VPS13B: variants seen among roughly 807,000 people sequenced by gnomAD.
VPS13B encodes the protein intermembrane lipid transfer protein VPS13B.
A neutral mutation model predicts 426.4 loss-of-function variants in VPS13B; 285 were observed. That is an observed-to-expected ratio of 0.67 (90% CI 0.61 to 0.74). The LOEUF is 0.74. Ranked by LOEUF, VPS13B falls within the 30% of genes least tolerant of loss-of-function variation. The pLI, the probability that VPS13B is intolerant of heterozygous loss-of-function variation, is 0.00. For missense variants in VPS13B, 4,537 were observed against 4,782.6 expected (o/e 0.95, Z 1.51); for synonymous variants, 1,676 against 1,676.4 (o/e 1.00, Z 0.01).
chr8:99,188,929 T>C (rs1389594485), intron 16 of VPS13B, among the ~76,000 whole-genome samples: 1 of 152,220 alleles, frequency 6.6e-6, no homozygotes, highest in African/African-American at 2.4e-5. Context: ...TATCTTGTTC[T>C]TGTTGAATTA....
Position 99,501,727 on chromosome 8 carries a change from A to T in VPS13B, c.3911A>T (p.Asp1304Val). 1 of 1,614,114 alleles carries T rather than the reference A, an allele frequency of 6.2e-7. No homozygotes were observed. The highest frequency in any genetic ancestry group is 1.3e-5 in the African/African-American group (1 of 75,020). ...IQAGEESPFS[D>V]SVTLEQTTSN... ...GCAGGTGAGGAATCACCATTCTCAG[A>T]TTCTGTGACCTTGGAACAAACTACA... The change falls in exon 26 of 62, where the codon GAT becomes GTT. Residue 1304 changes from aspartate to valine, a missense_variant. Transcript: ENST00000357162.
chr8:99,039,118 T>C (rs752919420), intron 3 of VPS13B, among the ~76,000 whole-genome samples: 1 of 152,200 alleles, frequency 6.6e-6, no homozygotes, highest in East Asian at 1.9e-4. Context: ...TGCAGATTGC[T>C]TATTACTTAC....
chr8:99,087,606 T>C (rs1450491304), intron 3 of VPS13B, among the ~76,000 whole-genome samples: 1 of 150,356 alleles, frequency 6.7e-6, no homozygotes, highest in Non-Finnish European at 1.5e-5. Context: ...CTCCACCCAC[T>C]GTTTTTTTGT....
intron 19 of VPS13B, among the ~76,000 whole-genome samples, chr8:99,296,580 T>C (rs932276127): frequency 1.7e-4 from 26 of 152,206 alleles, no homozygotes; most frequent in African/African-American, 6.3e-4. Context: ...TGAATGCATA[T>C]TTATGCAAGG....
chr8:99,830,265 G>C (rs942809341), intron 51 of VPS13B, among the ~76,000 whole-genome samples: 1 of 152,214 alleles, frequency 6.6e-6, no homozygotes, highest in African/African-American at 2.4e-5. Flanking sequence ...CCCCTGACTA[G>C]GGCTGCTGCC....
chr8:99,580,984 A>AACACACACACACACACACACAC, intron 33 of VPS13B, among the ~76,000 whole-genome samples: 1 of 126,684 alleles, frequency 7.9e-6, no homozygotes, highest in East Asian at 2.4e-4. Context: ...ATCTCTACAA[A>AACACACACACACACACACACAC]ACACACACAC....
rs533965645 is a variant in VPS13B at position 99,664,935 on chromosome 8, C to T, written c.6046+3444C>T. Among the ~76,000 whole-genome samples the T allele has an allele frequency of 4.6e-5, 7 of 152,332 alleles. No homozygotes were observed. The East Asian group carries it at 1.3e-3, about 29-fold the overall frequency. ...TTTAACTAGTTTACAGTCCTGCCAA[C>T]AGTGTAAAACTGTTCCTATTTCTCC... On this transcript the variant is annotated intron_variant, in intron 35 of 61. Coordinates refer to ENST00000357162, the MANE Select transcript of VPS13B (RefSeq NM_152564.5).
At chr8:99,293,028 CGT>C (rs1819823510) in intron 19 of VPS13B, among the ~76,000 whole-genome samples, 1 of 152,010 alleles carries the variant, frequency 6.6e-6, no homozygotes, top group Admixed American at 6.6e-5. Flanking sequence ...TTTCTCTGAA[CGT>C]GTAAAGCACC....
intron 33 of VPS13B, among the ~76,000 whole-genome samples, chr8:99,579,783 C>T (rs569092689): frequency 2.0e-5 from 3 of 151,484 alleles, no homozygotes; most frequent in African/African-American, 4.9e-5. Context: ...CTGCAATCTC[C>T]ACCTCCTGGG....
At chr8:99,719,517 T>A (rs1659120547) in intron 37 of VPS13B, among the ~76,000 whole-genome samples, 1 of 152,242 alleles carries the variant, frequency 6.6e-6, no homozygotes, top group Admixed American at 6.5e-5. Context: ...TATGGGGCTA[T>A]TATTTTCTAC....
chr8:99,639,894 C>T (rs1402870810), intron 33 of VPS13B, among the ~76,000 whole-genome samples: 2 of 148,338 alleles, frequency 1.3e-5, no homozygotes, highest in Non-Finnish European at 3.0e-5. Flanking sequence ...TTCCTTGAGC[C>T]ACCACTGAGG....
chr8:99,384,059 G>A, intron 19 of VPS13B, 149 bp from the exon 20 acceptor site: 1 of 706,300 alleles, frequency 1.4e-6, no homozygotes, highest in East Asian at 2.7e-5. Flanking sequence ...TACCAGCAAT[G>A]TATCAGGGTT....
At chr8:99,678,571 T>TG (rs1158680552) in intron 35 of VPS13B, among the ~76,000 whole-genome samples, 1 of 150,620 alleles carries the variant, frequency 6.6e-6, no homozygotes, top group Non-Finnish European at 1.5e-5. Context: ...CTGATTCTGT[T>TG]TTTTTTTTTT....
chr8:99,051,102 G>A (rs1021271137), intron 3 of VPS13B, among the ~76,000 whole-genome samples: 15 of 152,146 alleles, frequency 9.9e-5, no homozygotes, highest in Admixed American at 3.3e-4. Flanking sequence ...TGAAGTCCGT[G>A]CCCATGCCTA....
At chr8:99,039,496 C>T (rs1466962821) in intron 3 of VPS13B, among the ~76,000 whole-genome samples, 1 of 151,036 alleles carries the variant, frequency 6.6e-6, no homozygotes, top group Non-Finnish European at 1.5e-5. Flanking sequence ...AGAATGTTTC[C>T]ACTTTCACCT....
intron 25 of VPS13B, among the ~76,000 whole-genome samples, chr8:99,499,529 GA>G (rs1038464329): frequency 2.0e-5 from 3 of 152,028 alleles, no homozygotes; most frequent in African/African-American, 7.2e-5. Flanking sequence ...TATACATAAA[GA>G]AAGGCTATAT....
intron 39 of VPS13B, among the ~76,000 whole-genome samples, chr8:99,754,722 A>G (rs536548740): frequency 3.9e-5 from 6 of 152,168 alleles, no homozygotes; most frequent in Non-Finnish European, 8.8e-5. Flanking sequence ...TGGGGAATAT[A>G]TTTGGTTTTA....
chr8:99,840,567 G>A (rs1226080152), intron 54 of VPS13B, among the ~76,000 whole-genome samples: 5 of 152,142 alleles, frequency 3.3e-5, no homozygotes, highest in African/African-American at 7.2e-5. Context: ...GACACTTCCC[G>A]AATGCATGGG....
chr8:99,219,763 C>T (rs755753206), intron 17 of VPS13B, among the ~76,000 whole-genome samples: 11 of 152,180 alleles, frequency 7.2e-5, no homozygotes, highest in Admixed American at 1.3e-4. Flanking sequence ...TTAAAAATCC[C>T]ACCTTCCAAT....
Sources: gnomAD v4.1 joint callset for allele counts (sites outside exome capture counted in the v4.1 genomes callset) on GRCh38, gnomAD v4.1.1 for gene constraint, MANE v1.5 for transcripts, NCBI Gene and HGNC (gene_info 2026-07-23, HGNC 2026-07-21) for gene names.